Variants in FAM135A observed in about 807,000 individuals in gnomAD.
FAM135A encodes the protein family with sequence similarity 135 member A.
A neutral mutation model predicts 146.8 loss-of-function variants in FAM135A; 79 were observed. That is an observed-to-expected ratio of 0.54 (90% CI 0.45 to 0.65). The LOEUF (loss-of-function observed/expected upper bound fraction) is 0.65. Ranked by LOEUF, FAM135A falls within the 30% of genes least tolerant of loss-of-function variation. The pLI is 0.00. For missense variants in FAM135A, 1,623 were observed against 1,758.2 expected, an observed-to-expected ratio of 0.92 and a Z score of 1.38; for synonymous variants, 562 against 603.6, an observed-to-expected ratio of 0.93 and a Z score of 1.01.
intron 2 of FAM135A, among the ~76,000 whole-genome samples, chr6:70,419,375 C>T (rs1271018375): frequency 1.3e-5 from 2 of 151,416 alleles, no homozygotes; most frequent in Non-Finnish European, 2.9e-5. Context: ...GCCGAGATAG[C>T]GCCACTGCAC....
At chr6:70,537,465 A>G (rs1186314263) in intron 19 of FAM135A, among the ~76,000 whole-genome samples, 1 of 152,188 alleles carries the variant, frequency 6.6e-6, no homozygotes, top group African/African-American at 2.4e-5. Flanking sequence ...AGCCAGTTCT[A>G]GACTTCTACA....
At chr6:70,460,697 C>T (rs1779253126) in intron 5 of FAM135A, among the ~76,000 whole-genome samples, 1 of 151,908 alleles carries the variant, frequency 6.6e-6, no homozygotes, top group South Asian at 2.1e-4. Context: ...CCGATAAAAC[C>T]ATTTATGAGA....
At chr6:70,428,501 A>G (rs901584200) in intron 4 of FAM135A, 82 bp downstream of exon 4, 5 of 856,516 alleles carry the variant, frequency 5.8e-6, no homozygotes, top group Non-Finnish European at 8.6e-6. Flanking sequence ...TTTTTATTCC[A>G]GCATATATAA....
chr6:70,506,994 A>G (rs1789923345), intron 12 of FAM135A, among the ~76,000 whole-genome samples: 1 of 151,998 alleles, frequency 6.6e-6, no homozygotes, highest in Non-Finnish European at 1.5e-5. Flanking sequence ...CAGCTGGTGA[A>G]CACAACTTTG....
chr6:70,504,868 G>A (rs1789381565), intron 12 of FAM135A: 1 of 151,858 alleles, frequency 6.6e-6, no homozygotes. Context: ...AGCTACTTGG[G>A]AGGCTGAGGC....
chr6:70,548,919 ATAAAAT>A lies in FAM135A; in HGVS notation c.4229-7825_4229-7820del, dbSNP rs202136099. Among the ~76,000 whole-genome samples, 728 of 152,092 alleles carry A rather than the reference ATAAAAT, an allele frequency of 4.8e-3. 1 individual carries two copies. Among genetic ancestry groups the A allele is most frequent in the Middle Eastern group, 0.024 (7 of 294 alleles). Reference sequence around the variant, plus strand: ...AAAAGAGGCAGTTAGCTACCAAAAAATAAAATTAAAAATTAAAAAATATATATATAT... The same window carrying A: ...AAAAGAGGCAGTTAGCTACCAAAAAATAAAAATTAAAAAATATATATATAT... On this transcript the variant is annotated intron_variant, in intron 20 of 21. Transcript: ENST00000418814.
chr6:70,502,844 T>C (rs1482211157), intron 12 of FAM135A, 53 bp downstream of exon 12: 1 of 1,534,170 alleles, frequency 6.5e-7, no homozygotes, highest in African/African-American at 1.4e-5. Flanking sequence ...TATTTACCTT[T>C]AGAAAATTTT....
intron 11 of FAM135A, among the ~76,000 whole-genome samples, chr6:70,493,416 A>G (rs1169354637): frequency 3.3e-5 from 5 of 152,190 alleles, no homozygotes; most frequent in African/African-American, 1.2e-4. Flanking sequence ...TAAAAATAAC[A>G]TATGTATCCA....
intron 4 of FAM135A, among the ~76,000 whole-genome samples, chr6:70,435,405 T>C (rs1239177054): frequency 6.6e-6 from 1 of 151,992 alleles, no homozygotes; most frequent in Non-Finnish European, 1.5e-5. Flanking sequence ...GCACCCGGCC[T>C]AGAAATTACA....
In FAM135A at chr6:70,489,286, G is replaced by A. The variant is rs1030889241; in HGVS notation, c.824-1748G>A. On this transcript the variant is annotated intron_variant, in intron 10 of 21. Coordinates refer to ENST00000418814, the MANE Select transcript of FAM135A (RefSeq NM_001162529.3). ...GAAAGCCCAATATTAGAAGCCACTGGTTTATCTAACAGTGAAATGATTTGT... is the reference window on the plus strand; with the variant it reads ...GAAAGCCCAATATTAGAAGCCACTGATTTATCTAACAGTGAAATGATTTGT... 3.5e-4 allele frequency among the ~76,000 whole-genome samples: 53 copies of A among 152,080 alleles called. 1 individual carries two copies. Among genetic ancestry groups the A allele is most frequent in the African/African-American group, 1.3e-3 (53 of 41,386 alleles).
At chr6:70,512,762 C>T (rs949002546) in intron 12 of FAM135A, among the ~76,000 whole-genome samples, 10 of 151,602 alleles carry the variant, frequency 6.6e-5, no homozygotes, top group East Asian at 3.9e-4. Context: ...TTTATATTTT[C>T]GTTTTCTCAG....
At chr6:70,489,848 G>C (rs997145809) in intron 10 of FAM135A, among the ~76,000 whole-genome samples, 1 of 152,090 alleles carries the variant, frequency 6.6e-6, no homozygotes, top group Non-Finnish European at 1.5e-5. Flanking sequence ...CCACTCTAGG[G>C]TGAGTTATTG....
Position 70,525,382 on chromosome 6 carries a change from A to C in FAM135A, c.2298A>C (p.Arg766Ser). ...PDISATYASS[R>S]FSDSGVESEP... ...TTAGTGCCACATATGCCTCATCTAG[A>C]TTTTCAGATTCAGGTGTTGAAAGTG... Residue 766 changes from arginine (R) to serine (S), a missense_variant, in exon 15 of 22, where the codon AGA (arginine) becomes AGC (serine). By Grantham distance (110) the Arg-to-Ser change is moderately radical (BLOSUM62 -1). This residue lies in a region of FAM135A where 1,061 missense variants were observed against 1,113.8 expected (regional missense o/e 0.95). Coordinates refer to ENST00000418814, the MANE Select transcript of FAM135A (RefSeq NM_001162529.3). The C allele has an allele frequency of 6.2e-7, 1 of 1,613,712 alleles. No homozygotes were observed. Among genetic ancestry groups the C allele is most frequent in the South Asian group, 1.1e-5 (1 of 91,066 alleles).
At chr6:70,531,888 C>CTTTTTTTTT (rs869128532) in intron 16 of FAM135A, among the ~76,000 whole-genome samples, 24 of 85,740 alleles carry the variant, frequency 2.8e-4, no homozygotes, top group East Asian at 3.8e-4. Flanking sequence ...AAACTGATTT[C>CTTTTTTTTT]TTTTTTTTTT....
chr6:70,422,879 C>G (rs139254638), intron 2 of FAM135A, among the ~76,000 whole-genome samples: 1,973 of 152,232 alleles, frequency 0.013, 19 homozygotes, highest in Middle Eastern at 0.048. Context: ...GTGGAACTTT[C>G]ATTTTAGTGG....
At position 70,457,246 on chromosome 6, in the gene FAM135A, A is replaced by C. The variant is rs567337913; in HGVS notation, c.157+4675A>C. On this transcript the variant is annotated intron_variant, in intron 5 of 21. Coordinates refer to ENST00000418814, the MANE Select transcript of FAM135A (RefSeq NM_001162529.3). ...ATACATGACTGATACATTTTCTGTC[A>C]GTGACTATTTACTGCAGCAACTGAG... Among the ~76,000 whole-genome samples the C allele has an allele frequency of 6.6e-5, 10 of 152,318 alleles. No individual in the cohort carries two copies. In the East Asian group the frequency reaches 1.9e-3, roughly 29 times the overall value.
intron 13 of FAM135A, among the ~76,000 whole-genome samples, 175 bp from the exon 14 acceptor site, chr6:70,523,792 T>C (rs1391536130): frequency 6.6e-6 from 1 of 152,156 alleles, no homozygotes; most frequent in East Asian, 1.9e-4. Context: ...GCCAACAAAC[T>C]ATCATTTTCA....
intron 20 of FAM135A, among the ~76,000 whole-genome samples, chr6:70,555,532 C>T (rs2128502961): frequency 6.6e-6 from 1 of 152,236 alleles, no homozygotes; most frequent in South Asian, 2.1e-4. Flanking sequence ...AGATTACAGG[C>T]ATGAGCCACC....
At chr6:70,509,855 A>C (rs1790597089) in intron 12 of FAM135A, among the ~76,000 whole-genome samples, 1 of 152,202 alleles carries the variant, frequency 6.6e-6, no homozygotes, top group Non-Finnish European at 1.5e-5. Context: ...GAATTTGCAA[A>C]GTATTAAAAA....
Sources: allele counts gnomAD v4.1 joint callset (sites outside exome capture counted in the v4.1 genomes callset), GRCh38; gene constraint gnomAD v4.1.1; regional missense constraint gnomAD v4.1.1; transcripts MANE v1.5; gene names NCBI Gene and HGNC (gene_info 2026-07-23, HGNC 2026-07-21).